Variants in MAST2 observed in about 807,000 individuals in gnomAD.
MAST2 encodes microtubule-associated serine/threonine-protein kinase 2.
A neutral mutation model predicts 147.4 loss-of-function variants in MAST2; 70 were observed. The observed-to-expected ratio is 0.47, with a 90% CI of 0.39 to 0.58. The LOEUF (loss-of-function observed/expected upper bound fraction) is 0.58. Among genes scored for constraint, MAST2 ranks in the 20% least tolerant of loss-of-function variants. The pLI is 0.00. For synonymous variants in MAST2, 869 were observed against 896.8 expected (o/e 0.97, Z 0.55); for missense variants, 2,080 against 2,302.3 (o/e 0.90, Z 1.98).
At chr1:46,032,840 TAC>T (rs1454867973) in intron 26 of MAST2, 122 bp downstream of exon 26, 3 of 1,366,050 alleles carry the variant, frequency 2.2e-6, no homozygotes, top group Non-Finnish European at 2.0e-6. Context: ...TGGATGTAGG[TAC>T]ACACAGGCCG....
intron 3 of MAST2, among the ~76,000 whole-genome samples, chr1:45,868,527 C>A: frequency 6.6e-6 from 1 of 151,090 alleles, no homozygotes; most frequent in African/African-American, 2.4e-5. Flanking sequence ...TTTTATGCAC[C>A]CCCCCCAACC....
intron 26 of MAST2, among the ~76,000 whole-genome samples, chr1:46,033,236 C>T (rs1309952726): frequency 2.0e-5 from 3 of 149,854 alleles, no homozygotes; most frequent in African/African-American, 7.4e-5. Flanking sequence ...CATACCACTG[C>T]ACTCCAGCTT....
intron 3 of MAST2, among the ~76,000 whole-genome samples, chr1:45,835,285 T>C (rs946255567): frequency 8.5e-5 from 13 of 152,122 alleles, no homozygotes; most frequent in African/African-American, 2.9e-4. Context: ...AAGACTACTT[T>C]GACTACAGAT....
chr1:46,035,053 G>A lies in MAST2; in HGVS notation c.4384G>A (p.Gly1462Arg). The change falls in exon 29 of 29, where the codon GGG becomes AGG. Residue 1462 changes from glycine (G) to arginine (R), a missense_variant. Physicochemically the swap from Gly to Arg is moderately radical, Grantham distance 125. Around this residue, in one of 4 missense-constraint regions of MAST2, gnomAD observed 1,278 missense variants for 1,304.2 expected, o/e 0.98. Transcript: ENST00000361297. The surrounding 1 kb of genome is among the most constrained non-coding windows in gnomAD (Gnocchi z 5.5). ...VGARSVLSGK[G>R]ALPGKGVLQP... ...AGCCAGGAGTGTGCTGTCTGGCAAG[G>A]GGGCCCTGCCAGGGAAGGGGGTGCT... The A allele has an allele frequency of 4.3e-6, 7 of 1,613,902 alleles. No individual in the cohort carries two copies. Among genetic ancestry groups the A allele is most frequent in the Non-Finnish European group, 5.9e-6 (7 of 1,179,994 alleles).
In MAST2 at chr1:46,023,769, C is replaced by T. The variant is rs1249792061; in HGVS notation, c.1572-3C>T. 6.2e-7 allele frequency: 1 copy of T among 1,613,406 alleles called. No individual in the cohort carries two copies. Among genetic ancestry groups the T allele is most frequent in the Non-Finnish European group, 8.5e-7 (1 of 1,179,694 alleles). ...GGGGGATGGGCCGGACTTTGTTTCC[C>T]AGGGCTGTATTTCTGGTGCGGCACA... On this transcript the variant is annotated splice_polypyrimidine_tract_variant and splice_region_variant and intron_variant, in intron 14 of 28. Coordinates refer to ENST00000361297, the MANE Select transcript of MAST2 (RefSeq NM_015112.3). The surrounding 1 kb of genome is among the most constrained non-coding windows in gnomAD (Gnocchi z 4.9).
chr1:45,908,891 T>A (rs1651208830), intron 4 of MAST2, among the ~76,000 whole-genome samples: 1 of 152,168 alleles, frequency 6.6e-6, no homozygotes, highest in Non-Finnish European at 1.5e-5. Flanking sequence ...TGGGTTTTCT[T>A]TCTTGCATTA....
At chr1:46,011,119 G>C in intron 10 of MAST2, 180 bp downstream of exon 10, 1 of 605,056 alleles carries the variant, frequency 1.7e-6, no homozygotes. Flanking sequence ...ACTGAGAGAA[G>C]CCTGCTTGGT....
intron 3 of MAST2, among the ~76,000 whole-genome samples, chr1:45,830,788 T>A (rs1057084219): frequency 6.6e-6 from 1 of 151,452 alleles, no homozygotes; most frequent in Non-Finnish European, 1.5e-5. Context: ...TCTGAGAGTC[T>A]GAGGCAGGAG....
At chr1:45,871,129 A>G (rs1646374239) in intron 3 of MAST2, among the ~76,000 whole-genome samples, 1 of 148,892 alleles carries the variant, frequency 6.7e-6, no homozygotes, top group South Asian at 2.1e-4. Context: ...TTGTCTGTGT[A>G]CATTTATTAT....
intron 2 of MAST2, among the ~76,000 whole-genome samples, chr1:45,826,730 C>A (rs984777946): frequency 3.3e-5 from 5 of 152,170 alleles, no homozygotes; most frequent in Non-Finnish European, 7.4e-5. Flanking sequence ...GGTTACAGTC[C>A]ATCTATCTGC....
At chr1:45,944,843 G>A (rs940884433) in intron 4 of MAST2, among the ~76,000 whole-genome samples, 2 of 152,076 alleles carry the variant, frequency 1.3e-5, no homozygotes, top group South Asian at 2.1e-4. Flanking sequence ...TCTGTGCCAC[G>A]ACTGCCTGTG....
chr1:45,941,250 T>C (rs1657216866), intron 4 of MAST2, among the ~76,000 whole-genome samples: 1 of 152,100 alleles, frequency 6.6e-6, no homozygotes, highest in South Asian at 2.1e-4. Flanking sequence ...GGTGTTTTTG[T>C]TTTTTTATTT....
chr1:45,812,677 G>C (rs1570171970), intron 1 of MAST2, among the ~76,000 whole-genome samples: 1 of 152,034 alleles, frequency 6.6e-6, no homozygotes, highest in Admixed American at 6.6e-5. Context: ...CGTCCACCTC[G>C]GCCTCCCAAA....
chr1:45,845,238 G>A (rs1645394377), intron 3 of MAST2, among the ~76,000 whole-genome samples: 1 of 152,026 alleles, frequency 6.6e-6, no homozygotes. Flanking sequence ...CAAGGAGAAC[G>A]GCATTATTAA....
At chr1:45,894,485 TCAGCATAAAG>T (rs1199565674) in intron 4 of MAST2, among the ~76,000 whole-genome samples, 2 of 152,094 alleles carry the variant, frequency 1.3e-5, no homozygotes, top group Admixed American at 1.3e-4. Flanking sequence ...ACCTGATAAG[TCAGCATAAAG>T]CACAGAAAAT....
chr1:46,028,479 G>T (rs1436887411), intron 17 of MAST2, among the ~76,000 whole-genome samples: 1 of 152,344 alleles, frequency 6.6e-6, no homozygotes, highest in South Asian at 2.1e-4. Flanking sequence ...TTTGTTAGAG[G>T]CTGGAGTGCA....
chr1:45,985,915 GTTGA>G (rs1235808488), intron 5 of MAST2, among the ~76,000 whole-genome samples: 1 of 152,194 alleles, frequency 6.6e-6, no homozygotes, highest in Non-Finnish European at 1.5e-5. Flanking sequence ...TATAAATGTA[GTTGA>G]TTTTGTATAT....
chr1:46,029,051 G>T (rs772515327), intron 18 of MAST2, 118 bp downstream of exon 18: 225 of 1,153,336 alleles, frequency 2.0e-4, no homozygotes, highest in Middle Eastern at 2.6e-4. Context: ...GTGTGTTTGT[G>T]ATGTCTGCTG....
chr1:46,009,234 T>C (rs1169886931), intron 9 of MAST2, among the ~76,000 whole-genome samples: 1 of 152,090 alleles, frequency 6.6e-6, no homozygotes, highest in Non-Finnish European at 1.5e-5. Context: ...TTTGTATTTT[T>C]AGTAGAGATG....
Sources: gnomAD v4.1 joint callset for allele counts (sites outside exome capture counted in the v4.1 genomes callset) on GRCh38, gnomAD v4.1.1 for gene constraint, gnomAD v4.1.1 regional missense constraint, Gnocchi (gnomAD v3.1) non-coding constraint, MANE v1.5 for transcripts, NCBI Gene and HGNC (gene_info 2026-07-23, HGNC 2026-07-21) for gene names.